The following TULP4 variants were observed in gnomAD, a reference collection of about 807,000 sequenced individuals.
The protein encoded by TULP4 is TUB like protein 4, also known as tubby-related protein 4.
A neutral mutation model predicts 129.0 loss-of-function variants in TULP4; 16 were observed. The observed-to-expected ratio is 0.12, with a 90% confidence interval of 0.08 to 0.19. TULP4 has a LOEUF of 0.19. Among genes scored for constraint, TULP4 ranks in the 10% least tolerant of loss-of-function variants. The probability of loss-of-function intolerance (pLI) is 1.00; values close to 1 mark genes in which losing one functional copy is unlikely to be tolerated. For synonymous variants in TULP4, 998 were observed against 854.0 expected (o/e 1.17, Z -2.94); for missense variants, 1,842 against 2,059.1 (o/e 0.89, Z 2.04).
At chr6:158,461,870 G>A in intron 6 of TULP4, 141 bp downstream of exon 6, 1 of 1,010,184 alleles carries the variant, frequency 9.9e-7, no homozygotes, top group Non-Finnish European at 1.4e-6. Flanking sequence ...AAGGGAGAAA[G>A]CAGTTTTTGC....
At chr6:158,330,969 G>A (rs1024305772) in intron 1 of TULP4, among the ~76,000 whole-genome samples, 1 of 152,060 alleles carries the variant, frequency 6.6e-6, no homozygotes, top group African/African-American at 2.4e-5. Context: ...CTACATAAAT[G>A]ATGTGTCCTT....
At chr6:158,288,540 G>A (rs748082618) in intron 1 of TULP4, among the ~76,000 whole-genome samples, 13 of 150,830 alleles carry the variant, frequency 8.6e-5, no homozygotes, top group Non-Finnish European at 1.9e-4. Flanking sequence ...TCACTCTGTC[G>A]CCCAGGCCGG....
intron 1 of TULP4, among the ~76,000 whole-genome samples, chr6:158,255,845 T>G (rs1465163359): frequency 1.3e-5 from 2 of 152,208 alleles, no homozygotes; most frequent in Non-Finnish European, 2.9e-5. Flanking sequence ...ATTCTTTCCC[T>G]CATTGCATGA....
At chr6:158,364,911 A>G (rs1290918291) in intron 1 of TULP4, among the ~76,000 whole-genome samples, 1 of 151,590 alleles carries the variant, frequency 6.6e-6, no homozygotes, top group East Asian at 1.9e-4. Flanking sequence ...AATTTTTTGT[A>G]TTTTTAGTAG....
intron 1 of TULP4, among the ~76,000 whole-genome samples, chr6:158,374,940 G>C (rs1777153155): frequency 6.6e-6 from 1 of 152,094 alleles, no homozygotes; most frequent in African/African-American, 2.4e-5. Flanking sequence ...GCTTACCTAA[G>C]CCAAGTGTTA....
intron 1 of TULP4, among the ~76,000 whole-genome samples, chr6:158,258,477 G>T (rs1215502879): frequency 6.6e-6 from 1 of 152,168 alleles, no homozygotes; most frequent in African/African-American, 2.4e-5. Flanking sequence ...TGATGAGTTG[G>T]TGTAGAAAAT....
At chr6:158,275,274 C>T (rs540591731) in intron 1 of TULP4, among the ~76,000 whole-genome samples, 5 of 152,228 alleles carry the variant, frequency 3.3e-5, no homozygotes, top group South Asian at 2.1e-4. Flanking sequence ...TCATTTGCCA[C>T]GGTGTTTGAA....
At chr6:158,248,074 A>C (rs1778060016) in intron 1 of TULP4, among the ~76,000 whole-genome samples, 1 of 152,202 alleles carries the variant, frequency 6.6e-6, no homozygotes, top group African/African-American at 2.4e-5. Context: ...CGGCAGAGTT[A>C]CTGTTTAGAG....
chr6:158,350,534 G>A (rs1036842716), intron 1 of TULP4, among the ~76,000 whole-genome samples: 5 of 152,134 alleles, frequency 3.3e-5, no homozygotes, highest in African/African-American at 7.2e-5. Context: ...AGACCAGCCC[G>A]GTCAACACGG....
intron 1 of TULP4, among the ~76,000 whole-genome samples, chr6:158,244,670 C>G (rs1448505638): frequency 6.6e-6 from 1 of 152,124 alleles, no homozygotes; most frequent in Non-Finnish European, 1.5e-5. Flanking sequence ...TGATCTTAGA[C>G]TTTTAGCCTC....
intron 3 of TULP4, among the ~76,000 whole-genome samples, chr6:158,434,470 G>C (rs187017231): frequency 1.6e-3 from 250 of 152,316 alleles, no homozygotes; most frequent in Middle Eastern, 3.4e-3. Flanking sequence ...TTGACGCAGA[G>C]TAATGCTGCA....
intron 1 of TULP4, among the ~76,000 whole-genome samples, chr6:158,385,622 A>G (rs1175970191): frequency 6.7e-6 from 1 of 149,776 alleles, no homozygotes; most frequent in African/African-American, 2.4e-5. Context: ...AATTATATAC[A>G]TATTATATAT....
At chr6:158,279,660 T>C (rs1364385913), upstream of TULP4, among the ~76,000 whole-genome samples, 1 of 152,164 alleles carries the variant, frequency 6.6e-6, no homozygotes, top group African/African-American at 2.4e-5. Context: ...ATGGAGACTC[T>C]CTCTCTCCCA....
intron 1 of TULP4, among the ~76,000 whole-genome samples, chr6:158,395,281 T>C (rs1398266380): frequency 1.3e-5 from 2 of 151,940 alleles, no homozygotes; most frequent in African/African-American, 4.8e-5. Flanking sequence ...TCACTGTCAG[T>C]AGAAGTATGG....
chr6:158,506,330 T>C (rs932988100), intron 13 of TULP4, among the ~76,000 whole-genome samples: 2 of 148,832 alleles, frequency 1.3e-5, no homozygotes, highest in African/African-American at 5.0e-5. Context: ...CTCCCAGGTT[T>C]ACACCATTCT....
intron 11 of TULP4, 84 bp from the exon 12 acceptor site, chr6:158,498,585 C>T (rs1233474323): frequency 2.6e-6 from 4 of 1,544,272 alleles, no homozygotes; most frequent in East Asian, 2.3e-5. Flanking sequence ...AACTGCAGTG[C>T]GCTCTTCTTC....
chr6:158,388,113 A>G (rs1777492100), intron 1 of TULP4, among the ~76,000 whole-genome samples: 1 of 152,178 alleles, frequency 6.6e-6, no homozygotes, highest in Admixed American at 6.5e-5. Flanking sequence ...AGATTCAAGT[A>G]TCTAAAATGG....
At chr6:158,242,080 T>G (rs1488282351) in intron 1 of TULP4, 1 of 807,456 alleles carries the variant, frequency 1.2e-6, no homozygotes. Context: ...TATTTGATTG[T>G]AAAGTTGCAG....
At chr6:158,373,695 G>A (rs1777120776) in intron 1 of TULP4, among the ~76,000 whole-genome samples, 1 of 152,156 alleles carries the variant, frequency 6.6e-6, no homozygotes, top group South Asian at 2.1e-4. Flanking sequence ...GTTCTCCTGA[G>A]TCCACAAAGA....
Sources: allele counts gnomAD v4.1 joint callset (sites outside exome capture counted in the v4.1 genomes callset), GRCh38; gene constraint gnomAD v4.1.1; transcripts MANE v1.5; gene names NCBI Gene and HGNC (gene_info 2026-07-23, HGNC 2026-07-21).